BICRAL: variants seen among roughly 807,000 people sequenced by gnomAD.
BICRAL encodes the protein BRD4-interacting chromatin-remodeling complex-associated protein-like.
BICRAL carries 8 observed loss-of-function variants against 91.8 expected under a neutral mutation model. The ratio of observed to expected loss-of-function variants is 0.09; its 90% CI spans 0.05 to 0.16. The LOEUF is 0.16. Among genes scored for constraint, BICRAL ranks in the 10% least tolerant of loss-of-function variants. The pLI, the probability that BICRAL is intolerant of heterozygous loss-of-function variation, is 1.00. For synonymous variants in BICRAL, 445 were observed against 491.1 expected, an observed-to-expected ratio of 0.91 and a Z score of 1.24; for missense variants, 1,038 against 1,310.9, an observed-to-expected ratio of 0.79 and a Z score of 3.21.
intron 1 of BICRAL, among the ~76,000 whole-genome samples, chr6:42,798,292 C>A (rs919722944): frequency 1.4e-4 from 21 of 151,764 alleles, no homozygotes; most frequent in African/African-American, 5.1e-4. Flanking sequence ...CACCAGTATG[C>A]AATATACCCA....
chr6:42,829,161 G>T lies in BICRAL; in HGVS notation c.828G>T (p.Gln276His), dbSNP rs890953572. 2.5e-6 allele frequency: 4 copies of T among 1,614,036 alleles called. No homozygotes were observed. The highest frequency in any genetic ancestry group is 2.5e-6 in the Non-Finnish European group (3 of 1,179,948). The change falls in exon 6 of 13, where the codon CAG becomes CAT. Residue 276 changes from glutamine (Q) to histidine (H), a missense_variant. Gln to His is a conservative substitution (Grantham distance 24, BLOSUM62 0). Coordinates refer to ENST00000314073, the MANE Select transcript of BICRAL (RefSeq NM_001393499.1). ...FGNSSSSPVA[Q>H]PVTVPFNSTN... ...ACTCTAGTTCCAGTCCAGTAGCACA[G>T]CCTGTTACCGTTCCATTTAACAGCA...
At chr6:42,752,613 A>AT (rs939533811) in intron 1 of BICRAL, among the ~76,000 whole-genome samples, 11 of 146,894 alleles carry the variant, frequency 7.5e-5, no homozygotes, top group South Asian at 2.2e-4. Flanking sequence ...TGCCCAGCTA[A>AT]TTTTTTTTTT....
At chr6:42,782,542 G>A (rs1350952925) in intron 1 of BICRAL, among the ~76,000 whole-genome samples, 2 of 149,718 alleles carry the variant, frequency 1.3e-5, no homozygotes, top group East Asian at 2.0e-4. Context: ...CGGGGTGGGG[G>A]CCCGGCGCCT....
chr6:42,783,135 TTCCCGC>T (rs369949134), intron 1 of BICRAL, among the ~76,000 whole-genome samples: 16 of 150,668 alleles, frequency 1.1e-4, no homozygotes, highest in African/African-American at 1.7e-4. Context: ...CCCGGCCCCG[TTCCCGC>T]TCCCGCTCCG....
chr6:42,818,577 T>C (rs1357209299), intron 2 of BICRAL, among the ~76,000 whole-genome samples: 1 of 152,206 alleles, frequency 6.6e-6, no homozygotes, highest in Non-Finnish European at 1.5e-5. Flanking sequence ...TTGCACTTTA[T>C]GTCGTTGACT....
chr6:42,849,761 G>A (rs907017933), intron 6 of BICRAL, among the ~76,000 whole-genome samples: 3 of 150,004 alleles, frequency 2.0e-5, no homozygotes, highest in Admixed American at 2.0e-4. Context: ...GTTAACATAA[G>A]TTTAGTTTGG....
intron 1 of BICRAL, among the ~76,000 whole-genome samples, chr6:42,774,465 G>A (rs931649671): frequency 3.9e-5 from 6 of 152,164 alleles, no homozygotes; most frequent in Admixed American, 1.3e-4. Flanking sequence ...TCACCAGGCC[G>A]CGTGCGAAAT....
chr6:42,747,810 T>A (rs113301406), intron 1 of BICRAL, among the ~76,000 whole-genome samples: 2,814 of 146,576 alleles, frequency 0.019, 96 homozygotes, highest in African/African-American at 0.069. Context: ...ATTTTGTTTT[T>A]TTTTTTTTTT....
chr6:42,860,812 T>A (rs12202901), intron 11 of BICRAL, among the ~76,000 whole-genome samples: 36,418 of 152,104 alleles, frequency 0.24, 4,485 homozygotes, highest in African/African-American at 0.26. Context: ...TCATTGACAT[T>A]CCATAAAATT....
At chr6:42,791,091 G>A (rs1449908489) in intron 1 of BICRAL, among the ~76,000 whole-genome samples, 1 of 152,022 alleles carries the variant, frequency 6.6e-6, no homozygotes, top group Non-Finnish European at 1.5e-5. Flanking sequence ...CTGTCAGAAT[G>A]CTGTGTGGGA....
chr6:42,830,163 C>A lies in BICRAL; in HGVS notation c.1830C>A (p.Phe610Leu). 6.2e-7 allele frequency: 1 copy of A among 1,613,914 alleles called. No homozygotes were observed. The highest frequency in any genetic ancestry group is 8.5e-7 in the Non-Finnish European group (1 of 1,179,840). ...CTGGAACAGGAACCCAGCAACAATT[C>A]TTCTGCCAGGTAATGCCCTTTCCCA... ...NTPGTGTQQQ[F>L]FCQAQKKCLN... Residue 610 changes from phenylalanine to leucine, a missense_variant, in exon 6 of 13, where the codon TTC (phenylalanine) becomes TTA (leucine). By Grantham distance (22) the Phe-to-Leu change is conservative. Transcript: ENST00000314073.
At chr6:42,781,371 A>T (rs987362679), upstream of BICRAL, among the ~76,000 whole-genome samples, 4 of 152,166 alleles carry the variant, frequency 2.6e-5, no homozygotes, top group African/African-American at 7.2e-5. Context: ...TTTGGAATGG[A>T]CAAAGAGTGT....
chr6:42,758,402 G>A (rs546210632), intron 1 of BICRAL, among the ~76,000 whole-genome samples: 46 of 152,212 alleles, frequency 3.0e-4, no homozygotes, highest in African/African-American at 8.7e-4. Flanking sequence ...TCCCACCAGC[G>A]CCCTACTCCA....
intron 9 of BICRAL, among the ~76,000 whole-genome samples, chr6:42,856,403 CTT>C (rs1765355447): frequency 1.2e-5 from 1 of 85,726 alleles, no homozygotes; most frequent in African/African-American, 4.7e-5. Flanking sequence ...GAGACAGAGT[CTT>C]GCTCTGTCGT....
In BICRAL at chr6:42,760,003, G is replaced by A. The variant is rs575542361; in HGVS notation, c.-261+12980G>A. Among the ~76,000 whole-genome samples, 21 of 152,260 alleles carry A rather than the reference G, an allele frequency of 1.4e-4. No individual in the cohort carries two copies. In the East Asian group the frequency reaches 3.5e-3, roughly 25 times the overall value. On this transcript the variant is annotated intron_variant, in intron 1 of 14. Transcript: ENST00000614467. The stretch of plus-strand genomic sequence containing the variant: ...CTTAACCCTGTAATCCCAGCACTTT[G>A]GGAGGCCGGGGCGGGTGGATCACCT...
chr6:42,844,547 AG>A (rs1582866344), intron 6 of BICRAL, among the ~76,000 whole-genome samples: 1 of 77,310 alleles, frequency 1.3e-5, no homozygotes, highest in African/African-American at 4.4e-5. Flanking sequence ...AAAAAAAAAG[AG>A]GGTGTTGCAG....
At chr6:42,831,157 G>A (rs974181090) in intron 6 of BICRAL, among the ~76,000 whole-genome samples, 2 of 152,168 alleles carry the variant, frequency 1.3e-5, no homozygotes, top group Non-Finnish European at 2.9e-5. Flanking sequence ...TACTCCATAG[G>A]AGCTTGTATT....
At chr6:42,763,496 A>G (rs923881301) in intron 1 of BICRAL, among the ~76,000 whole-genome samples, 3 of 152,222 alleles carry the variant, frequency 2.0e-5, no homozygotes, top group South Asian at 2.1e-4. Context: ...ATTGTTTGCT[A>G]TGATGTGCCG....
At position 42,833,931 on chromosome 6, in the gene BICRAL, T is replaced by C. The variant is rs139040949; in HGVS notation, c.1839+3759T>C. ...GTGCAATGGTGCAATCTCAGCTCAC[T>C]GCAACCTCTGCCTCGCAGGTTCAAG... On this transcript the variant is annotated intron_variant, in intron 6 of 12. Coordinates refer to ENST00000314073, the MANE Select transcript of BICRAL (RefSeq NM_001393499.1). 7.0e-3 allele frequency among the ~76,000 whole-genome samples: 1,067 copies of C among 152,278 alleles called. 6 individuals are homozygous for C. Among genetic ancestry groups the C allele is most frequent in the African/African-American group, 0.023 (940 of 41,550 alleles).
Sources: gnomAD v4.1 joint callset for allele counts (sites outside exome capture counted in the v4.1 genomes callset) on GRCh38, gnomAD v4.1.1 for gene constraint, MANE v1.5 for transcripts, NCBI Gene and HGNC (gene_info 2026-07-23, HGNC 2026-07-21) for gene names.